RAP1GDS1: variants seen among roughly 807,000 people sequenced by gnomAD.
RAP1GDS1 encodes the protein Rap1 GTPase-GDP dissociation stimulator 1, also known as RAP1, GTP-GDP dissociation stimulator 1.
In RAP1GDS1, 35 loss-of-function variants were observed where a neutral mutation model predicts 71.1. That is an observed-to-expected ratio of 0.49 (90% CI 0.38 to 0.65). RAP1GDS1 has a LOEUF of 0.65. Ranked by LOEUF, RAP1GDS1 falls within the 30% of genes least tolerant of loss-of-function variation. The probability of loss-of-function intolerance (pLI) is 0.00; values close to 1 mark genes in which losing one functional copy is unlikely to be tolerated. For missense variants in RAP1GDS1, 663 were observed against 706.1 expected (o/e 0.94, Z 0.69); for synonymous variants, 229 against 243.1 (o/e 0.94, Z 0.54).
intron 2 of RAP1GDS1, among the ~76,000 whole-genome samples, chr4:98,300,534 G>A (rs1728429059): frequency 6.6e-6 from 1 of 151,796 alleles, no homozygotes; most frequent in East Asian, 1.9e-4. Context: ...TGAGTAGCTG[G>A]GATTACAGAT....
intron 4 of RAP1GDS1, among the ~76,000 whole-genome samples, chr4:98,374,531 T>C (rs887199072): frequency 6.6e-6 from 1 of 152,194 alleles, no homozygotes; most frequent in African/African-American, 2.4e-5. Flanking sequence ...TTTCTTAAAA[T>C]GCATCTCAAC....
At chr4:98,346,923 G>A (rs1421986283) in intron 3 of RAP1GDS1, among the ~76,000 whole-genome samples, 1 of 152,072 alleles carries the variant, frequency 6.6e-6, no homozygotes, top group Admixed American at 6.5e-5. Flanking sequence ...ACATATAAAA[G>A]TCACTCATTC....
rs1009989189 is a variant in RAP1GDS1, at chr4:98,392,077, C to G, written c.634C>G (p.Leu212Val). ...TGTTGCATTTGGTAATTTAGCAGAA[C>G]TTGGTAAGTCTTAGTCATGAACCAC... ...CLVAFGNLAE[L>V]ESSKEQFAST... The change falls in exon 6 of 15, where the codon CTT becomes GTT. Residue 212 changes from leucine to valine, a missense_variant. Leu to Val is a conservative substitution (Grantham distance 32, BLOSUM62 1). Coordinates refer to ENST00000408927, the MANE Select transcript of RAP1GDS1 (RefSeq NM_001100427.2). The G allele has an allele frequency of 6.2e-7, 1 of 1,611,176 alleles. No individual in the cohort carries two copies. Among genetic ancestry groups the G allele is most frequent in the South Asian group, 1.1e-5 (1 of 90,424 alleles).
Position 98,443,457 on chromosome 4 carries a change from T to A in RAP1GDS1, c.*1340T>A, listed in dbSNP as rs1752115190. 1 of 230,242 alleles carries A rather than the reference T, an allele frequency of 4.3e-6. No homozygotes were observed. Among genetic ancestry groups the A allele is most frequent in the Non-Finnish European group, 8.6e-6 (1 of 116,248 alleles). 14.3% of individuals were successfully genotyped at this position (230,242 alleles called of 1,614,324 possible). On this transcript the variant is annotated 3_prime_UTR_variant, in exon 15 of 15. Coordinates refer to ENST00000408927, the MANE Select transcript of RAP1GDS1 (RefSeq NM_001100427.2). Reference sequence around the variant, plus strand: ...CCTGCCTTCTCCCCATACCCAAATTTGACCACTACTGGCCTAAAAGGCAAG... The same window carrying A: ...CCTGCCTTCTCCCCATACCCAAATTAGACCACTACTGGCCTAAAAGGCAAG...
intron 2 of RAP1GDS1, among the ~76,000 whole-genome samples, chr4:98,321,117 GA>G (rs1352800671): frequency 6.9e-6 from 1 of 145,860 alleles, no homozygotes; most frequent in Non-Finnish European, 1.5e-5. Flanking sequence ...AGAACTACGT[GA>G]AGAATGCAGA....
At chr4:98,303,967 TC>T (rs1485304063) in intron 2 of RAP1GDS1, among the ~76,000 whole-genome samples, 11 of 152,158 alleles carry the variant, frequency 7.2e-5, no homozygotes, top group African/African-American at 2.7e-4. Flanking sequence ...GGGCTGCTGT[TC>T]CTGTGATAGT....
intron 1 of RAP1GDS1, among the ~76,000 whole-genome samples, chr4:98,269,192 AAAAG>A (rs1723114957): frequency 6.6e-6 from 1 of 151,258 alleles, no homozygotes; most frequent in Admixed American, 6.6e-5. Context: ...AAAAAAAAAA[AAAAG>A]CCAAGGAAAC....
chr4:98,439,452 T>C (rs1259381022), intron 14 of RAP1GDS1, among the ~76,000 whole-genome samples: 1 of 152,226 alleles, frequency 6.6e-6, no homozygotes, highest in Non-Finnish European at 1.5e-5. Flanking sequence ...GATAGGTTTA[T>C]GTCTTTTGCT....
At chr4:98,368,572 TATTTA>T (rs766456542) in intron 4 of RAP1GDS1, among the ~76,000 whole-genome samples, 2 of 152,184 alleles carry the variant, frequency 1.3e-5, no homozygotes, top group Non-Finnish European at 2.9e-5. Flanking sequence ...CCAGGTAAAA[TATTTA>T]ATTTTTTATG....
chr4:98,409,662 A>C (rs913245615), intron 7 of RAP1GDS1: 3 of 335,538 alleles, frequency 8.9e-6, no homozygotes, highest in Non-Finnish European at 1.8e-5. Context: ...CCTGAGTTCA[A>C]CTGAAGCAAC....
At chr4:98,341,947 A>C (rs890987423) in intron 2 of RAP1GDS1, among the ~76,000 whole-genome samples, 9 of 152,160 alleles carry the variant, frequency 5.9e-5, no homozygotes, top group Middle Eastern at 3.4e-3. Context: ...CATAATTCAA[A>C]CCAAAATTTC....
At chr4:98,341,136 T>C (rs1341452041) in intron 2 of RAP1GDS1, among the ~76,000 whole-genome samples, 1 of 152,166 alleles carries the variant, frequency 6.6e-6, no homozygotes, top group Non-Finnish European at 1.5e-5. Flanking sequence ...AAAATGGTAG[T>C]TCCCAGACGT....
intron 1 of RAP1GDS1, among the ~76,000 whole-genome samples, chr4:98,270,910 C>A (rs1723360774): frequency 6.6e-6 from 1 of 152,066 alleles, no homozygotes; most frequent in African/African-American, 2.4e-5. Context: ...ACAGTAAATA[C>A]ATTTTCTCTT....
At position 98,416,295 on chromosome 4, in the gene RAP1GDS1, A is replaced by C. The variant is rs374330198; in HGVS notation, c.764-450A>C. 1.9e-4 allele frequency among the ~76,000 whole-genome samples: 26 copies of C among 135,828 alleles called. 1 individual carries two copies. The South Asian group carries it at 3.8e-3, about 20-fold the overall frequency. The allele number at this position is 135,828 out of a possible 152,430, so 89.1% of individuals were successfully genotyped here. ...CAAGATAGTTTACTTTGAAGATTTG[A>C]GTTTCAAAAATGTATTATCTAAATC... is the stretch of plus-strand genomic sequence containing the variant. On this transcript the variant is annotated intron_variant, in intron 7 of 14. Coordinates refer to ENST00000408927, the MANE Select transcript of RAP1GDS1 (RefSeq NM_001100427.2).
chr4:98,354,148 C>T (rs1478261181), intron 4 of RAP1GDS1, among the ~76,000 whole-genome samples: 6 of 150,952 alleles, frequency 4.0e-5, no homozygotes, highest in Admixed American at 1.3e-4. Context: ...CTGCAAGCTC[C>T]GCTTCCCGGG....
intron 4 of RAP1GDS1, among the ~76,000 whole-genome samples, chr4:98,361,076 CAAA>C (rs1210869882): frequency 8.5e-5 from 7 of 82,040 alleles, no homozygotes; most frequent in Admixed American, 2.6e-4. Flanking sequence ...GACTCTGTCT[CAAA>C]AAAAAAAAAA....
intron 12 of RAP1GDS1, among the ~76,000 whole-genome samples, chr4:98,424,336 T>C (rs955382700): frequency 6.6e-6 from 1 of 152,118 alleles, no homozygotes; most frequent in Non-Finnish European, 1.5e-5. Context: ...CTGGGCCATA[T>C]TGGAAAACGA....
intron 10 of RAP1GDS1, 54 bp downstream of exon 10, chr4:98,418,845 G>A: frequency 2.0e-6 from 3 of 1,475,764 alleles, no homozygotes; most frequent in South Asian, 1.5e-5. Flanking sequence ...CATCATTTGG[G>A]GAAGCTATTA....
At chr4:98,297,861 G>A (rs1410286769) in intron 2 of RAP1GDS1, among the ~76,000 whole-genome samples, 1 of 152,198 alleles carries the variant, frequency 6.6e-6, no homozygotes, top group African/African-American at 2.4e-5. Context: ...GAAAGCGGAG[G>A]CAGGTTGAAA....
Sources: allele counts gnomAD v4.1 joint callset (sites outside exome capture counted in the v4.1 genomes callset), GRCh38; gene constraint gnomAD v4.1.1; transcripts MANE v1.5; gene names NCBI Gene and HGNC (gene_info 2026-07-23, HGNC 2026-07-21).